The following DPP10 variants were observed in gnomAD, a reference collection of about 807,000 sequenced individuals.
DPP10 encodes the protein dipeptidyl peptidase like 10.
In DPP10, 33 loss-of-function variants were observed where a neutral mutation model predicts 120.9. The observed-to-expected ratio is 0.27, with a 90% CI of 0.21 to 0.37. The LOEUF is 0.37. Among genes scored for constraint, DPP10 ranks in the 10% least tolerant of loss-of-function variants. The pLI, the probability that DPP10 is intolerant of heterozygous loss-of-function variation, is 1.00. For synonymous variants in DPP10, 337 were observed against 326.1 expected (o/e 1.03, Z -0.36); for missense variants, 816 against 942.8 (o/e 0.87, Z 1.76).
At chr2:114,853,813 C>A (rs779177872) in intron 1 of DPP10, among the ~76,000 whole-genome samples, 13 of 152,168 alleles carry the variant, frequency 8.5e-5, no homozygotes, top group Non-Finnish European at 1.8e-4. Flanking sequence ...CCTCCAGCAG[C>A]CAGTTGTAAA....
At chr2:115,744,789 A>G (rs1381830949) in intron 9 of DPP10, among the ~76,000 whole-genome samples, 10 of 150,430 alleles carry the variant, frequency 6.6e-5, no homozygotes, top group Non-Finnish European at 1.0e-4. Context: ...AATTCCTTAA[A>G]CATGGATCTT....
At chr2:115,435,690 G>A (rs759311993) in intron 3 of DPP10, among the ~76,000 whole-genome samples, 1 of 151,786 alleles carries the variant, frequency 6.6e-6, no homozygotes, top group Non-Finnish European at 1.5e-5. Context: ...CTCTGCAGAA[G>A]CTTTTTGGCT....
intron 1 of DPP10, among the ~76,000 whole-genome samples, chr2:114,676,619 T>C (rs1260213552): frequency 2.4e-4 from 36 of 152,168 alleles, no homozygotes; most frequent in Admixed American, 2.4e-3. Context: ...GATCGCTGTA[T>C]GTCAGATTCC....
At chr2:114,797,274 G>A (rs1025237641) in intron 1 of DPP10, among the ~76,000 whole-genome samples, 2 of 152,190 alleles carry the variant, frequency 1.3e-5, no homozygotes, top group African/African-American at 4.8e-5. Context: ...GTCCTTGCTT[G>A]AGTGCTGGAC....
chr2:115,207,894 A>G (rs765230571), intron 1 of DPP10, among the ~76,000 whole-genome samples: 82 of 152,180 alleles, frequency 5.4e-4, no homozygotes, highest in Non-Finnish European at 9.6e-4. Flanking sequence ...GTGCAGGGAA[A>G]CGAGTAAGCA....
At chr2:114,975,724 C>T (rs1336156390) in intron 1 of DPP10, among the ~76,000 whole-genome samples, 5 of 151,956 alleles carry the variant, frequency 3.3e-5, no homozygotes, top group East Asian at 3.9e-4. Flanking sequence ...AATCTCAGTG[C>T]GCTGCAACTT....
At chr2:114,442,987 C>A in intron 1 of DPP10, 149 bp downstream of exon 1, 1 of 952,886 alleles carries the variant, frequency 1.0e-6, no homozygotes, top group Admixed American at 2.1e-5. Context: ...AAGCATTTGG[C>A]TCTGCATGTG....
At chr2:115,221,363 G>T (rs1377817800) in intron 1 of DPP10, among the ~76,000 whole-genome samples, 2 of 152,064 alleles carry the variant, frequency 1.3e-5, no homozygotes, top group Non-Finnish European at 2.9e-5. Flanking sequence ...ATTCAGGTTT[G>T]TTGCTTTTGC....
At chr2:115,626,993 G>A (rs1175293151) in intron 5 of DPP10, among the ~76,000 whole-genome samples, 2 of 152,106 alleles carry the variant, frequency 1.3e-5, no homozygotes, top group African/African-American at 4.8e-5. Context: ...GAAAGCAATG[G>A]CATACTCAAT....
At chr2:115,677,763 T>G (rs1423234592) in intron 5 of DPP10, among the ~76,000 whole-genome samples, 2 of 152,158 alleles carry the variant, frequency 1.3e-5, no homozygotes, top group African/African-American at 4.8e-5. Context: ...AGCATCCAGA[T>G]TTACAAAGCA....
intron 7 of DPP10, among the ~76,000 whole-genome samples, chr2:115,692,570 C>T (rs7576877): frequency 0.92 from 139,124 of 152,034 alleles, 64,703 homozygotes; most frequent in Non-Finnish European, 1. Context: ...CCTTTAATAA[C>T]TCTGATTGGC....
At chr2:115,591,745 C>A (rs1396585832) in intron 5 of DPP10, among the ~76,000 whole-genome samples, 2 of 152,114 alleles carry the variant, frequency 1.3e-5, no homozygotes, top group Non-Finnish European at 2.9e-5. Flanking sequence ...TTATCTTGGG[C>A]AGTATGGCCA....
intron 1 of DPP10, among the ~76,000 whole-genome samples, chr2:115,146,048 CCATT>C (rs1440584136): frequency 1.3e-5 from 2 of 151,922 alleles, no homozygotes; most frequent in Non-Finnish European, 2.9e-5. Context: ...GTCAGATACA[CCATT>C]ATTATGCATT....
chr2:114,498,288 G>C (rs901104751), intron 1 of DPP10, among the ~76,000 whole-genome samples: 3 of 151,968 alleles, frequency 2.0e-5, no homozygotes, highest in Non-Finnish European at 4.4e-5. Flanking sequence ...TTTGAAACTT[G>C]GTACCCTTTG....
intron 1 of DPP10, among the ~76,000 whole-genome samples, chr2:115,086,446 G>A (rs1008300033): frequency 1.5e-5 from 2 of 135,550 alleles, no homozygotes; most frequent in African/African-American, 5.4e-5. Context: ...CCAAATCAAT[G>A]TATTTCTTTT....
intron 1 of DPP10, among the ~76,000 whole-genome samples, chr2:114,912,471 G>C (rs1694440488): frequency 6.6e-6 from 1 of 152,062 alleles, no homozygotes; most frequent in Non-Finnish European, 1.5e-5. Flanking sequence ...ACTAAATATA[G>C]ATGTTAAAAA....
chr2:115,202,959 A>G (rs2055847106), intron 1 of DPP10, among the ~76,000 whole-genome samples: 1 of 152,142 alleles, frequency 6.6e-6, no homozygotes, highest in Non-Finnish European at 1.5e-5. Flanking sequence ...AAACAAACAA[A>G]CAAAAAACAA....
At chr2:115,003,662 C>G (rs1417399290) in intron 1 of DPP10, among the ~76,000 whole-genome samples, 1 of 151,920 alleles carries the variant, frequency 6.6e-6, no homozygotes, top group Non-Finnish European at 1.5e-5. Flanking sequence ...ACAATGCAAA[C>G]ATAAATTTGA....
At chr2:114,513,839 G>A (rs980763914) in intron 1 of DPP10, among the ~76,000 whole-genome samples, 3 of 152,174 alleles carry the variant, frequency 2.0e-5, no homozygotes, top group Non-Finnish European at 2.9e-5. Context: ...CATTGAAAAT[G>A]AAATGACTTC....
Sources: gnomAD v4.1 joint callset for allele counts (sites outside exome capture counted in the v4.1 genomes callset) on GRCh38, gnomAD v4.1.1 for gene constraint, MANE v1.5 for transcripts, NCBI Gene and HGNC (gene_info 2026-07-23, HGNC 2026-07-21) for gene names.